SYNPR: variants seen among roughly 807,000 people sequenced by gnomAD.
SYNPR encodes the protein synaptoporin.
In SYNPR, 23 loss-of-function variants were observed where a neutral mutation model predicts 32.9. That is an observed-to-expected ratio of 0.70 (90% CI 0.50 to 0.99). The LOEUF is 0.99. SYNPR is among the 50% of genes least tolerant of loss of function. SYNPR has a pLI of 0.00. For missense variants in SYNPR, 318 were observed against 349.3 expected (o/e 0.91, Z 0.71); for synonymous variants, 146 against 135.9 (o/e 1.07, Z -0.52).
chr3:63,559,723 C>G (rs1303886771), intron 4 of SYNPR, among the ~76,000 whole-genome samples: 1 of 147,378 alleles, frequency 6.8e-6, no homozygotes, highest in Non-Finnish European at 1.5e-5. Context: ...TTTTCTATCT[C>G]AAATTTCAGT....
intron 2 of SYNPR, among the ~76,000 whole-genome samples, chr3:63,253,126 A>G (rs2086348303): frequency 6.6e-6 from 1 of 152,076 alleles, no homozygotes; most frequent in African/African-American, 2.4e-5. Context: ...CATTTATAGA[A>G]CTGTTTTTAG....
At chr3:63,399,975 T>C (rs1464756662) in intron 2 of SYNPR, among the ~76,000 whole-genome samples, 2 of 152,200 alleles carry the variant, frequency 1.3e-5, no homozygotes, top group Non-Finnish European at 2.9e-5. Flanking sequence ...CAACAGACTG[T>C]TGTTCAGTGG....
At chr3:63,232,114 G>A (rs2086170905) in intron 1 of SYNPR, among the ~76,000 whole-genome samples, 1 of 150,150 alleles carries the variant, frequency 6.7e-6, no homozygotes. Flanking sequence ...GAGGATATAT[G>A]GGATTTAGAA....
At chr3:63,388,090 G>A in intron 2 of SYNPR, among the ~76,000 whole-genome samples, 1 of 152,050 alleles carries the variant, frequency 6.6e-6, no homozygotes, top group East Asian at 1.9e-4. Context: ...TTTCCAGCTG[G>A]GGCGAGGGGC....
At chr3:63,223,746 A>G (rs1039744424), upstream of SYNPR, among the ~76,000 whole-genome samples, 1 of 152,180 alleles carries the variant, frequency 6.6e-6, no homozygotes, top group Admixed American at 6.5e-5. Flanking sequence ...CCTCTTCTAT[A>G]TTCCCATAGC....
At chr3:63,246,338 T>C (rs73115374) in intron 1 of SYNPR, among the ~76,000 whole-genome samples, 9,462 of 152,194 alleles carry the variant, frequency 0.062, 380 homozygotes, top group Middle Eastern at 0.085. Flanking sequence ...GGTGTGATTG[T>C]ACTTGTTTGA....
intron 4 of SYNPR, among the ~76,000 whole-genome samples, chr3:63,593,535 G>A (rs1699878519): frequency 1.3e-5 from 2 of 152,072 alleles, no homozygotes; most frequent in Admixed American, 1.3e-4. Context: ...GAAATAGAAG[G>A]TATCTGTTCT....
At chr3:63,550,697 T>C (rs993614279) in intron 3 of SYNPR, among the ~76,000 whole-genome samples, 1 of 152,232 alleles carries the variant, frequency 6.6e-6, no homozygotes, top group Non-Finnish European at 1.5e-5. Context: ...GGAGACATGC[T>C]GATCCTGGGG....
chr3:63,351,204 G>C (rs965403547), intron 2 of SYNPR, among the ~76,000 whole-genome samples: 1 of 152,202 alleles, frequency 6.6e-6, no homozygotes, highest in African/African-American at 2.4e-5. Context: ...CCTCAGAACA[G>C]ATAAGCACCA....
At chr3:63,614,915 C>G (rs1034394339) in intron 5 of SYNPR, among the ~76,000 whole-genome samples, 1 of 152,162 alleles carries the variant, frequency 6.6e-6, no homozygotes, top group African/African-American at 2.4e-5. Context: ...ACTCAGCAAG[C>G]CACGCGACCT....
chr3:63,206,835 A>G, the SYNPR span, among the ~76,000 whole-genome samples: 1 of 152,210 alleles, frequency 6.6e-6, no homozygotes, highest in African/African-American at 2.4e-5. Context: ...GGGCCAATCA[A>G]ATTCTCTATT....
chr3:63,260,713 T>G (rs909591274), intron 2 of SYNPR, among the ~76,000 whole-genome samples: 1 of 151,758 alleles, frequency 6.6e-6, no homozygotes, highest in East Asian at 1.9e-4. Flanking sequence ...AAGCCAAAAT[T>G]GACAAATGGG....
intron 2 of SYNPR, among the ~76,000 whole-genome samples, chr3:63,455,573 G>T (rs753053548): frequency 8.5e-5 from 13 of 152,234 alleles, no homozygotes; most frequent in Non-Finnish European, 1.8e-4. Flanking sequence ...GATACAAATA[G>T]CTAAAGTGGT....
At chr3:63,343,187 G>A (rs555212689) in intron 2 of SYNPR, among the ~76,000 whole-genome samples, 167 of 152,286 alleles carry the variant, frequency 1.1e-3, no homozygotes, top group African/African-American at 3.9e-3. Context: ...CTGGAGAGGA[G>A]GACAGAGACC....
At chr3:63,253,716 G>A (rs1483235098) in intron 2 of SYNPR, among the ~76,000 whole-genome samples, 1 of 152,144 alleles carries the variant, frequency 6.6e-6, no homozygotes, top group African/African-American at 2.4e-5. Context: ...TACACTGTTG[G>A]TGGGACTGTA....
chr3:63,532,383 A>G (rs1350586585), intron 3 of SYNPR, among the ~76,000 whole-genome samples: 4 of 152,230 alleles, frequency 2.6e-5, no homozygotes, highest in Non-Finnish European at 5.9e-5. Flanking sequence ...ATGAGCAATA[A>G]TAAGTTTTTT....
At chr3:63,233,627 G>A (rs1414236657) in intron 1 of SYNPR, among the ~76,000 whole-genome samples, 1 of 152,134 alleles carries the variant, frequency 6.6e-6, no homozygotes, top group African/African-American at 2.4e-5. Flanking sequence ...CTCAACCTAA[G>A]TTTGATTAGA....
At chr3:63,220,749 C>T in the SYNPR span, among the ~76,000 whole-genome samples, 16 of 152,298 alleles carry the variant, frequency 1.1e-4, no homozygotes, top group Admixed American at 1.0e-3. Context: ...GCTGTCCACC[C>T]TCTTCAGATA....
At chr3:63,232,841 A>G (rs752694201) in intron 1 of SYNPR, among the ~76,000 whole-genome samples, 1 of 152,240 alleles carries the variant, frequency 6.6e-6, no homozygotes. Flanking sequence ...CTAGAAAAAA[A>G]CAAAGATGCG....
Sources: allele counts gnomAD v4.1 joint callset (sites outside exome capture counted in the v4.1 genomes callset), GRCh38; gene constraint gnomAD v4.1.1; transcripts MANE v1.5; gene names NCBI Gene and HGNC (gene_info 2026-07-23, HGNC 2026-07-21).